Variants in CENPN observed in about 807,000 individuals in gnomAD.
CENPN encodes the protein centromere protein N.
In CENPN, 36 loss-of-function variants were observed where a neutral mutation model predicts 48.6. The ratio of observed to expected loss-of-function variants is 0.74; its 90% CI spans 0.57 to 0.98. The LOEUF is 0.98. Among genes scored for constraint, CENPN ranks in the 50% least tolerant of loss-of-function variants. The pLI, the probability that CENPN is intolerant of heterozygous loss-of-function variation, is 0.00. For missense variants in CENPN, 439 were observed against 399.2 expected (o/e 1.10, Z -0.85); for synonymous variants, 166 against 135.2 (o/e 1.23, Z -1.58).
Position 81,007,249 on chromosome 16 carries a change from A to T in CENPN, c.-39A>T, listed in dbSNP as rs948776735. The stretch of plus-strand genomic sequence containing the variant: ...GCGCGGCGAGCGGGAACAGCTCTTG[A>T]GGAGTGAGACTGCAGGAGATGTGGG... On this transcript the variant is annotated 5_prime_UTR_variant, in exon 1 of 11. Coordinates refer to ENST00000305850, the MANE Select transcript of CENPN (RefSeq NM_001100624.3). 1 of 160,342 alleles carries T rather than the reference A, an allele frequency of 6.2e-6. No individual in the cohort carries two copies. The highest frequency in any genetic ancestry group is 1.3e-5 in the Non-Finnish European group (1 of 75,528). 9.9% of individuals were successfully genotyped at this position (160,342 alleles called of 1,614,324 possible). A position where few individuals can be genotyped will look rare whatever the true frequency, so the allele number is the denominator to read the frequency against.
chr16:81,014,274 G>A (rs568297912), intron 3 of CENPN, 93 bp downstream of exon 3: 65 of 1,072,802 alleles, frequency 6.1e-5, no homozygotes, highest in Non-Finnish European at 7.8e-5. Flanking sequence ...TCCCTCTGTC[G>A]CCCAGGCTGG....
rs1185611320 is a variant in CENPN, at chr16:81,022,604, C to CA, written c.541dup (p.Ile181AsnfsTer3). ...GCAAATTTTCATTTCAAGGCGCTGA[C>CA]AATTGCTAGCAAACACCATCAGATT... On this transcript the variant is annotated frameshift_variant, in exon 7 of 11. Coordinates refer to ENST00000305850, the MANE Select transcript of CENPN (RefSeq NM_001100624.3). LOFTEE classifies it high-confidence loss of function. 5 of 1,613,832 alleles carry CA rather than the reference C, an allele frequency of 3.1e-6. No individual in the cohort carries two copies. Among genetic ancestry groups the CA allele is most frequent in the Non-Finnish European group, 3.4e-6 (4 of 1,179,908 alleles).
chr16:81,007,498 G>C (rs1430513325), intron 1 of CENPN: 1 of 152,318 alleles, frequency 6.6e-6, no homozygotes, highest in African/African-American at 2.4e-5. Flanking sequence ...CCCGCGGTGG[G>C]GCGGGTGGAG....
At chr16:81,014,672 T>G (rs764931738) in intron 3 of CENPN, among the ~76,000 whole-genome samples, 2 of 152,194 alleles carry the variant, frequency 1.3e-5, no homozygotes, top group African/African-American at 4.8e-5. Context: ...GTACATTATC[T>G]ACTTCACGGT....
Position 81,017,423 on chromosome 16 carries a change from TG to T in CENPN, c.277+40del, listed in dbSNP as rs773044631. ...GTTTACAATTGAATATTTGATAGTT[TG>T]GCTTGGACTCAGGAAGCAGAGGTTA... On this transcript the variant is annotated intron_variant, in intron 4 of 10. Transcript: ENST00000305850. The T allele has an allele frequency of 5.0e-6, 7 of 1,404,418 alleles. No homozygotes were observed. The South Asian group carries it at 8.2e-5, about 16-fold the overall frequency. The allele number at this position is 1,404,418 out of a possible 1,614,324, so 87.0% of individuals were successfully genotyped here.
In CENPN at chr16:81,028,616, A is replaced by T; in HGVS notation, c.985A>T (p.Lys329Ter). Residue 329 changes from lysine to a stop codon, truncating the protein, a stop_gained, in exon 11 of 11, where the codon AAG becomes TAG. Coordinates refer to ENST00000305850, the MANE Select transcript of CENPN (RefSeq NM_001100624.3). LOFTEE classifies it high-confidence loss of function. ...LSPLLTCIPN[K>*]RMNYFKIRDK Reference sequence around the variant, plus strand: ...TCCACTGCTCACTTGCATACCCAACAAGAGAATGAATTATTTTAAAATTAG... The same window carrying T: ...TCCACTGCTCACTTGCATACCCAACTAGAGAATGAATTATTTTAAAATTAG... 6.2e-7 allele frequency: 1 copy of T among 1,611,930 alleles called. No individual in the cohort carries two copies. Among genetic ancestry groups the T allele is most frequent in the South Asian group, 1.1e-5 (1 of 90,358 alleles).
chr16:81,025,097 C>G (rs997511908), intron 8 of CENPN, among the ~76,000 whole-genome samples: 6 of 152,154 alleles, frequency 3.9e-5, no homozygotes, highest in African/African-American at 1.4e-4. Flanking sequence ...CACAGTAGTC[C>G]TGTGAATAAG....
At chr16:81,027,952 G>A (rs1423706301) in intron 9 of CENPN, among the ~76,000 whole-genome samples, 1 of 152,108 alleles carries the variant, frequency 6.6e-6, no homozygotes, top group Non-Finnish European at 1.5e-5. Flanking sequence ...TGATCCACTC[G>A]CCTTGGCTTC....
chr16:81,022,958 T>G (rs1424414564), intron 7 of CENPN: 3 of 1,328,870 alleles, frequency 2.3e-6, no homozygotes, highest in Non-Finnish European at 3.1e-6. Context: ...AATCACCTGA[T>G]CACACTAGAA....
rs958948513 is a variant in CENPN at position 81,029,595 on chromosome 16, G to C, written c.*944G>C. On this transcript the variant is annotated 3_prime_UTR_variant, in exon 11 of 11. Coordinates refer to ENST00000305850, the MANE Select transcript of CENPN (RefSeq NM_001100624.3). ...TTTTTTTGTTTGTTTTTTGTTTTTTGAGACAAGTCTCCTTCTATCGCCCAG... is the reference window on the plus strand; with the variant it reads ...TTTTTTTGTTTGTTTTTTGTTTTTTCAGACAAGTCTCCTTCTATCGCCCAG... 4.0e-5 allele frequency among the ~76,000 whole-genome samples: 6 copies of C among 150,986 alleles called. No individual in the cohort carries two copies. The highest frequency in any genetic ancestry group is 1.3e-4 in the Admixed American group (2 of 15,152).
At chr16:81,021,842 C>T (rs577392102) in intron 6 of CENPN, among the ~76,000 whole-genome samples, 2 of 151,986 alleles carry the variant, frequency 1.3e-5, no homozygotes, top group African/African-American at 4.8e-5. Context: ...GCACCCTCCA[C>T]CCCCAAGGTT....
intron 1 of CENPN, among the ~76,000 whole-genome samples, chr16:81,011,359 GTTGT>G (rs1184913803): frequency 6.6e-6 from 1 of 152,124 alleles, no homozygotes; most frequent in African/African-American, 2.4e-5. Flanking sequence ...TGATTTCCCT[GTTGT>G]TTCTCTCTCC....
chr16:81,021,247 A>G (rs1189787527), intron 6 of CENPN, among the ~76,000 whole-genome samples: 1 of 152,190 alleles, frequency 6.6e-6, no homozygotes, highest in Non-Finnish European at 1.5e-5. Context: ...CTGCTTTCAC[A>G]TAAGATGTAG....
rs745935187 is a variant in CENPN, at chr16:81,028,627, T to C, written c.996T>C (p.Asn332=). The C allele has an allele frequency of 1.2e-6, 2 of 1,612,324 alleles. No individual in the cohort carries two copies. The highest frequency in any genetic ancestry group is 2.2e-5 in the South Asian group (2 of 90,404). ...LLTCIPNKRM[N]YFKIRDK ...CTTGCATACCCAACAAGAGAATGAATTATTTTAAAATTAGAGATAAATAAG... is the reference window on the plus strand; with the variant it reads ...CTTGCATACCCAACAAGAGAATGAACTATTTTAAAATTAGAGATAAATAAG... The change falls in exon 11 of 11, where the codon AAT becomes AAC. Residue 332 remains asparagine, a synonymous_variant. Transcript: ENST00000305850.
At position 81,022,656 on chromosome 16, in the gene CENPN, T is replaced by C. The variant is rs896292027; in HGVS notation, c.591T>C (p.Tyr197=). The C allele has an allele frequency of 1.9e-6, 3 of 1,613,992 alleles. No individual in the cohort carries two copies. The highest frequency in any genetic ancestry group is 1.7e-5 in the Admixed American group (1 of 60,016). ...TGAAAATGGACCTGAGAAGTCGGTA[T>C]CTGGACTCTCTTAAGGCTATTGTTT... ...QIVKMDLRSR[Y]LDSLKAIVFK... is the part of the protein sequence containing the mutation. Residue 197 remains tyrosine, a synonymous_variant, in exon 7 of 11, where the codon TAT becomes TAC. Transcript: ENST00000305850.
Position 81,022,785 on chromosome 16 carries a change from C to T in CENPN, c.633+87C>T, listed in dbSNP as rs760201501. ...AGAAGCTACTGGGAAAATCTACCTC[C>T]GACAAGAGGAGATCATTTTAGATAT... On this transcript the variant is annotated intron_variant, in intron 7 of 10. Coordinates refer to ENST00000305850, the MANE Select transcript of CENPN (RefSeq NM_001100624.3). 1.2e-5 allele frequency: 19 copies of T among 1,613,742 alleles called. No individual in the cohort carries two copies. The African/African-American group carries it at 1.2e-4, about 10-fold the overall frequency.
intron 7 of CENPN, 92 bp from the exon 8 acceptor site, chr16:81,024,623 A>G: frequency 1.2e-6 from 1 of 818,626 alleles, no homozygotes; most frequent in Non-Finnish European, 1.9e-6. Context: ...AAAAAAATAA[A>G]CATTTGACAT....
At chr16:81,017,909 A>G (rs574718876) in intron 5 of CENPN, 75 bp downstream of exon 5, 10 of 842,596 alleles carry the variant, frequency 1.2e-5, no homozygotes, top group African/African-American at 5.2e-5. Flanking sequence ...CTACTATCAT[A>G]GTTTTTTTTT....
chr16:81,011,869 A>G lies in CENPN; in HGVS notation c.-10-61A>G, dbSNP rs543064045. 2,331 of 1,378,896 alleles carry G rather than the reference A, an allele frequency of 1.7e-3. 51 individuals carry two copies. In the South Asian group the frequency reaches 0.023, roughly 14 times the overall value. 85.4% of individuals were successfully genotyped at this position (1,378,896 alleles called of 1,614,324 possible). The stretch of plus-strand genomic sequence containing the variant: ...CATATGTGTATGTGTATGTGTAAAT[A>G]AAGACAGACAAGTATTGTATTTGGT... On this transcript the variant is annotated intron_variant, in intron 1 of 10. Transcript: ENST00000305850.
Sources: gnomAD v4.1 joint callset for allele counts (sites outside exome capture counted in the v4.1 genomes callset) on GRCh38, gnomAD v4.1.1 for gene constraint, MANE v1.5 for transcripts, NCBI Gene and HGNC (gene_info 2026-07-23, HGNC 2026-07-21) for gene names.